The following CCDC178 variants were observed in gnomAD, a reference collection of about 807,000 sequenced individuals.
CCDC178 encodes coiled-coil domain-containing protein 178.
A neutral mutation model predicts 117.4 loss-of-function variants in CCDC178; 126 were observed. That is an observed-to-expected ratio of 1.07 (90% CI 0.93 to 1.24). The LOEUF is 1.24. CCDC178 is among the 50% of genes most tolerant of loss of function. The pLI is 0.00. For missense variants in CCDC178, 1,030 were observed against 986.9 expected, an observed-to-expected ratio of 1.04 and a Z score of -0.59; for synonymous variants, 283 against 313.4, an observed-to-expected ratio of 0.90 and a Z score of 1.02.
intron 21 of CCDC178, among the ~76,000 whole-genome samples, chr18:33,056,086 G>A (rs2056825890): frequency 6.6e-6 from 1 of 152,140 alleles, no homozygotes; most frequent in Non-Finnish European, 1.5e-5. Context: ...TACGGTGTGA[G>A]CCACTGCACC....
chr18:33,141,133 C>CA (rs1343786936), intron 20 of CCDC178, among the ~76,000 whole-genome samples: 1 of 152,142 alleles, frequency 6.6e-6, no homozygotes, highest in Non-Finnish European at 1.5e-5. Context: ...AATTAAACCT[C>CA]TTTTTTATTC....
At chr18:33,260,874 T>C (rs534768832) in intron 14 of CCDC178, among the ~76,000 whole-genome samples, 1 of 152,242 alleles carries the variant, frequency 6.6e-6, no homozygotes, top group East Asian at 1.9e-4. Context: ...AATGTATACG[T>C]ATAGGTCTGA....
rs115181307 is a variant in CCDC178, at chr18:33,418,546, T to C, written c.-22-6436A>G. Among the ~76,000 whole-genome samples the C allele has an allele frequency of 2.7e-3, 405 of 151,946 alleles. 3 individuals are homozygous for C. The highest frequency in any genetic ancestry group is 9.4e-3 in the African/African-American group (389 of 41,448). On this transcript the variant is annotated intron_variant, in intron 2 of 22. Transcript: ENST00000383096. Reference sequence around the variant, plus strand: ...CATCCAAATAGAGAGAGGGCTAAAGTATCCTTGTTTGCAGACAATACATTT... The same window carrying C: ...CATCCAAATAGAGAGAGGGCTAAAGCATCCTTGTTTGCAGACAATACATTT...
At chr18:33,211,033 G>C (rs1157085855) in intron 20 of CCDC178, among the ~76,000 whole-genome samples, 1 of 151,730 alleles carries the variant, frequency 6.6e-6, no homozygotes, top group Non-Finnish European at 1.5e-5. Flanking sequence ...CTTTAGATAT[G>C]TAAAAAGTAG....
At chr18:33,167,724 G>A (rs541272225) in intron 20 of CCDC178, among the ~76,000 whole-genome samples, 6 of 152,008 alleles carry the variant, frequency 3.9e-5, no homozygotes, top group South Asian at 4.2e-4. Context: ...AAAAATACCC[G>A]GGCGTGGTGG....
At chr18:33,063,023 G>A (rs2056951675) in intron 21 of CCDC178, among the ~76,000 whole-genome samples, 1 of 152,154 alleles carries the variant, frequency 6.6e-6, no homozygotes, top group African/African-American at 2.4e-5. Flanking sequence ...CTGGGCCACT[G>A]ACACTGACAG....
rs1568062437 is a variant in CCDC178, at chr18:33,215,690, T to A, written c.1938A>T (p.Lys646Asn). The change falls in exon 19 of 23, where the codon AAA (lysine) becomes AAT (asparagine). Residue 646 changes from lysine (K) to asparagine (N), a missense_variant. Physicochemically the swap from Lys to Asn is moderately conservative, Grantham distance 94. Transcript: ENST00000383096. ...TLDALIETES[K>N]RSAIFKDLEA... is the part of the protein sequence containing the mutation. ...CTAGGTCTTTAAAAATTGCTGAGCG[T>A]TTACTCTGAAAAAAAATATACACAA... The A allele has an allele frequency of 2.0e-6, 3 of 1,516,932 alleles. No individual in the cohort carries two copies. Among genetic ancestry groups the A allele is most frequent in the Non-Finnish European group, 1.8e-6 (2 of 1,139,470 alleles). The allele number at this position is 1,516,932 out of a possible 1,614,324, so 94.0% of individuals were successfully genotyped here.
At chr18:33,358,393 C>A (rs923010856) in intron 6 of CCDC178, among the ~76,000 whole-genome samples, 1 of 151,610 alleles carries the variant, frequency 6.6e-6, no homozygotes, top group African/African-American at 2.4e-5. Flanking sequence ...GATATCAAAA[C>A]ATATTATGAC....
At chr18:33,091,324 C>CCTTTTTTT (rs2057459432) in intron 21 of CCDC178, among the ~76,000 whole-genome samples, 1 of 43,882 alleles carries the variant, frequency 2.3e-5, no homozygotes. Context: ...TTATTTCATT[C>CCTTTTTTT]TTTTTTTTTT....
At chr18:33,258,038 C>T (rs9955467) in intron 14 of CCDC178, among the ~76,000 whole-genome samples, 10,238 of 152,060 alleles carry the variant, frequency 0.067, 512 homozygotes, top group African/African-American at 0.14. Context: ...TATCTGAATG[C>T]CCTACCATTT....
At chr18:33,106,076 G>A (rs1353280016) in intron 20 of CCDC178, among the ~76,000 whole-genome samples, 1 of 151,580 alleles carries the variant, frequency 6.6e-6, no homozygotes, top group Non-Finnish European at 1.5e-5. Context: ...ATATTTCAAT[G>A]ACTTAAATAT....
At chr18:33,278,907 G>C (rs1047935268) in intron 12 of CCDC178, among the ~76,000 whole-genome samples, 11 of 151,870 alleles carry the variant, frequency 7.2e-5, no homozygotes, top group East Asian at 5.8e-4. Flanking sequence ...ATTCAACAAC[G>C]TTCATGCTAA....
chr18:33,277,472 T>C (rs2059965164), intron 12 of CCDC178, among the ~76,000 whole-genome samples: 1 of 152,176 alleles, frequency 6.6e-6, no homozygotes. Flanking sequence ...CTTAAAATAA[T>C]GCCTATTTAC....
At chr18:33,330,579 C>A (rs1337669088) in intron 10 of CCDC178, among the ~76,000 whole-genome samples, 2 of 151,982 alleles carry the variant, frequency 1.3e-5, no homozygotes, top group Non-Finnish European at 2.9e-5. Context: ...TAATGGTGAC[C>A]ATATTAGTCA....
At chr18:33,138,874 C>T (rs1265606504) in intron 20 of CCDC178, among the ~76,000 whole-genome samples, 2 of 152,090 alleles carry the variant, frequency 1.3e-5, no homozygotes, top group Non-Finnish European at 2.9e-5. Context: ...CCCTAATCTT[C>T]AATAGGAGAT....
At chr18:33,205,788 G>A (rs1037369080) in intron 20 of CCDC178, among the ~76,000 whole-genome samples, 8 of 152,130 alleles carry the variant, frequency 5.3e-5, no homozygotes, top group African/African-American at 1.2e-4. Context: ...TCAACCTCCC[G>A]GGCTCAGGTG....
chr18:33,282,010 C>T (rs543125903), intron 12 of CCDC178, among the ~76,000 whole-genome samples: 29 of 152,240 alleles, frequency 1.9e-4, no homozygotes, highest in South Asian at 1.0e-3. Flanking sequence ...AGACTACTGG[C>T]GTGCTTTTAA....
intron 21 of CCDC178, among the ~76,000 whole-genome samples, chr18:33,036,926 G>T (rs1352959579): frequency 6.6e-6 from 1 of 151,844 alleles, no homozygotes; most frequent in South Asian, 2.1e-4. Context: ...TTCAAAACTG[G>T]TTTAGGATAT....
At chr18:33,114,251 G>C (rs1484869630) in intron 20 of CCDC178, among the ~76,000 whole-genome samples, 2 of 152,020 alleles carry the variant, frequency 1.3e-5, no homozygotes, top group Non-Finnish European at 2.9e-5. Flanking sequence ...TGAGGAGAAA[G>C]AATATGGAGG....
Sources: gnomAD v4.1 joint callset for allele counts (sites outside exome capture counted in the v4.1 genomes callset) on GRCh38, gnomAD v4.1.1 for gene constraint, MANE v1.5 for transcripts, NCBI Gene and HGNC (gene_info 2026-07-23, HGNC 2026-07-21) for gene names.